ELMO1: variants seen among roughly 807,000 people sequenced by gnomAD.
The protein encoded by ELMO1 is engulfment and cell motility 1, also known as engulfment and cell motility protein 1.
A neutral mutation model predicts 98.9 loss-of-function variants in ELMO1; 26 were observed. That is an observed-to-expected ratio of 0.26 (90% CI 0.19 to 0.36). The LOEUF (loss-of-function observed/expected upper bound fraction) is 0.36. ELMO1 is among the 10% of genes least tolerant of loss of function. The pLI, the probability that ELMO1 is intolerant of heterozygous loss-of-function variation, is 1.00. For synonymous variants in ELMO1, 346 were observed against 346.0 expected (o/e 1.00, Z 0.00); for missense variants, 627 against 935.2 (o/e 0.67, Z 4.30).
intron 16 of ELMO1, among the ~76,000 whole-genome samples, chr7:36,975,722 C>T (rs1460751917): frequency 1.3e-5 from 2 of 151,256 alleles, no homozygotes; most frequent in Non-Finnish European, 2.9e-5. Context: ...TGGTGCATGC[C>T]TGTAATCCCA....
chr7:37,420,627 C>A (rs1320964839), intron 1 of ELMO1, among the ~76,000 whole-genome samples: 2 of 152,190 alleles, frequency 1.3e-5, no homozygotes, highest in East Asian at 3.8e-4. Context: ...GGCATGCTGG[C>A]TAGACACTGA....
chr7:36,991,297 A>G (rs1474004781), intron 16 of ELMO1, among the ~76,000 whole-genome samples: 1 of 152,152 alleles, frequency 6.6e-6, no homozygotes, highest in Non-Finnish European at 1.5e-5. Flanking sequence ...AAACACACTG[A>G]TATCGTTTCC....
rs564478320 is a variant in ELMO1, at chr7:37,160,319, G to A, written c.1087-27085C>T. On this transcript the variant is annotated intron_variant, in intron 13 of 21. Coordinates refer to ENST00000310758, the MANE Select transcript of ELMO1 (RefSeq NM_014800.11). ...TCAGTAGATGCCTCTGTTTCTCTAA[G>A]AAATATTAATAGGAACATTTCAATC... Among the ~76,000 whole-genome samples the A allele has an allele frequency of 2.0e-5, 3 of 152,272 alleles. No homozygotes were observed. In the South Asian group the frequency reaches 6.2e-4, roughly 32 times the overall value.
rs1294738215 is a variant in ELMO1, at chr7:37,331,381, A to G, written c.78+11232T>C. Among the ~76,000 whole-genome samples the G allele has an allele frequency of 2.7e-5, 3 of 110,590 alleles. No individual in the cohort carries two copies. The Middle Eastern group carries it at 0.024, about 892-fold the overall frequency. The allele number at this position is 110,590 out of a possible 152,430, so 72.6% of individuals were successfully genotyped here. A position where few individuals can be genotyped will look rare whatever the true frequency, so the allele number is the denominator to read the frequency against. On this transcript the variant is annotated intron_variant, in intron 2 of 21. Coordinates refer to ENST00000310758, the MANE Select transcript of ELMO1 (RefSeq NM_014800.11). ...GGAATTTTAGTAGAGACAGGGTTTC[A>G]CTGTGTTAGCCAGGATGGTCTCGAT...
At chr7:37,263,310 A>G (rs1796073021) in intron 5 of ELMO1, among the ~76,000 whole-genome samples, 1 of 151,760 alleles carries the variant, frequency 6.6e-6, no homozygotes, top group Admixed American at 6.6e-5. Context: ...CTTTCCAGTT[A>G]TCCAGTGGAA....
intron 15 of ELMO1, among the ~76,000 whole-genome samples, chr7:37,058,827 G>A (rs185496427): frequency 1.6e-4 from 25 of 152,252 alleles, no homozygotes; most frequent in African/African-American, 4.6e-4. Context: ...GAAATGTTCC[G>A]AAAATCTTTA....
At chr7:36,944,017 G>A (rs1037240160) in intron 16 of ELMO1, among the ~76,000 whole-genome samples, 1 of 152,164 alleles carries the variant, frequency 6.6e-6, no homozygotes, top group Non-Finnish European at 1.5e-5. Flanking sequence ...GAGCAAGATG[G>A]AGGTGGGGAG....
At chr7:37,392,592 C>T (rs1803128248) in intron 1 of ELMO1, among the ~76,000 whole-genome samples, 1 of 152,204 alleles carries the variant, frequency 6.6e-6, no homozygotes, top group South Asian at 2.1e-4. Context: ...CCTCTCTCTT[C>T]CACATCTGCT....
intron 17 of ELMO1, among the ~76,000 whole-genome samples, chr7:36,893,483 T>C (rs1316407447): frequency 6.6e-6 from 1 of 152,252 alleles, no homozygotes; most frequent in East Asian, 1.9e-4. Flanking sequence ...GCATTTTCCC[T>C]GCCCCGCTAA....
chr7:37,327,278 T>C (rs1478761372), intron 2 of ELMO1, among the ~76,000 whole-genome samples: 1 of 152,274 alleles, frequency 6.6e-6, no homozygotes, highest in Non-Finnish European at 1.5e-5. Flanking sequence ...TGTGAAATAA[T>C]TCATTTATGT....
At chr7:37,398,489 C>T (rs546257683) in intron 1 of ELMO1, among the ~76,000 whole-genome samples, 13 of 152,298 alleles carry the variant, frequency 8.5e-5, no homozygotes, top group African/African-American at 2.9e-4. Context: ...ATTCACTAAC[C>T]TTGTTTATCT....
At chr7:37,352,963 A>G (rs1241201152) in intron 1 of ELMO1, 1 of 152,238 alleles carries the variant, frequency 6.6e-6, no homozygotes, top group Non-Finnish European at 1.5e-5. Context: ...CCACCCAACG[A>G]GTCCCTGCTC....
intron 18 of ELMO1, among the ~76,000 whole-genome samples, chr7:36,880,075 G>A (rs3807167): frequency 0.04 from 6,107 of 152,304 alleles, 301 homozygotes; most frequent in East Asian, 0.24. Flanking sequence ...CCTGCCCTAC[G>A]TGGCTGTGAT....
intron 16 of ELMO1, among the ~76,000 whole-genome samples, chr7:36,916,679 G>A (rs1042440446): frequency 2.0e-5 from 3 of 152,212 alleles, no homozygotes; most frequent in African/African-American, 7.2e-5. Flanking sequence ...TTGAGGAGGG[G>A]GCCTGTGCCC....
At chr7:36,988,364 T>C (rs1033267895) in intron 16 of ELMO1, among the ~76,000 whole-genome samples, 2 of 152,328 alleles carry the variant, frequency 1.3e-5, no homozygotes, top group East Asian at 3.9e-4. Context: ...CCTCAGTTTA[T>C]GCCAAAACCA....
At chr7:36,899,342 G>C (rs186824728) in intron 16 of ELMO1, among the ~76,000 whole-genome samples, 149 of 152,302 alleles carry the variant, frequency 9.8e-4, no homozygotes, top group Non-Finnish European at 1.7e-3. Context: ...GAGGCAAGGA[G>C]GGGATGTTAC....
intron 1 of ELMO1, among the ~76,000 whole-genome samples, chr7:37,370,724 C>T (rs936574577): frequency 6.6e-6 from 1 of 152,176 alleles, no homozygotes; most frequent in African/African-American, 2.4e-5. Flanking sequence ...CACCATTTTA[C>T]ACCCAAAAGG....
At chr7:37,380,873 G>A (rs980339765) in intron 1 of ELMO1, among the ~76,000 whole-genome samples, 1 of 152,130 alleles carries the variant, frequency 6.6e-6, no homozygotes, top group Non-Finnish European at 1.5e-5. Context: ...CCTCCATAAG[G>A]CACATACAGC....
chr7:37,077,205 T>C (rs571787206), intron 15 of ELMO1, among the ~76,000 whole-genome samples: 11 of 152,294 alleles, frequency 7.2e-5, no homozygotes, highest in African/African-American at 2.6e-4. Context: ...AAGAAAGATA[T>C]GCAAATATGC....
Sources: gnomAD v4.1 joint callset for allele counts (sites outside exome capture counted in the v4.1 genomes callset) on GRCh38, gnomAD v4.1.1 for gene constraint, MANE v1.5 for transcripts, NCBI Gene and HGNC (gene_info 2026-07-23, HGNC 2026-07-21) for gene names.